The following LOX variants were observed in gnomAD, a reference collection of about 807,000 sequenced individuals.
LOX encodes protein-lysine 6-oxidase.
Under a neutral mutation model 50.5 loss-of-function variants are expected in LOX, and 12 were observed. The observed-to-expected ratio is 0.24, with a 90% confidence interval of 0.15 to 0.38. The LOEUF (loss-of-function observed/expected upper bound fraction) is 0.38, where lower values mean the gene tolerates loss of function less well. Ranked by LOEUF, LOX falls within the 10% of genes least tolerant of loss-of-function variation. The probability of loss-of-function intolerance (pLI) is 1.00; values close to 1 mark genes in which losing one functional copy is unlikely to be tolerated. For synonymous variants in LOX, 254 were observed against 230.6 expected, an observed-to-expected ratio of 1.10 and a Z score of -0.92; for missense variants, 504 against 563.8, an observed-to-expected ratio of 0.89 and a Z score of 1.07.
At chr5:122,072,097 C>T (rs1455571564) in intron 4 of LOX, among the ~76,000 whole-genome samples, 1 of 152,160 alleles carries the variant, frequency 6.6e-6, no homozygotes, top group African/African-American at 2.4e-5. Flanking sequence ...GTTATTACTT[C>T]TACTACTACC....
chr5:122,074,232 T>C (rs1754548543), intron 3 of LOX, 63 bp from the exon 4 acceptor site: 2 of 1,396,030 alleles, frequency 1.4e-6, no homozygotes, highest in African/African-American at 1.4e-5. Flanking sequence ...ATGAAGATAT[T>C]AAATGACTTC....
At position 122,077,289 on chromosome 5, in the gene LOX, C is replaced by T. The variant is rs929211062; in HGVS notation, c.631+66G>A. 16 of 1,600,572 alleles carry T rather than the reference C, an allele frequency of 1.0e-5. No homozygotes were observed. In the African/African-American group the frequency reaches 1.5e-4, roughly 15 times the overall value. ...GGGGCCCGCCGCGCCCAGGCAGCCA[C>T]GTCGAGAAGCCACATAGCTGGGGAC... On this transcript the variant is annotated intron_variant, in intron 1 of 6. Coordinates refer to ENST00000231004, the MANE Select transcript of LOX (RefSeq NM_002317.7). This position sits in a 1 kb window ranked among gnomAD's most constrained non-coding sequence, Gnocchi z 4.9.
chr5:122,069,922 A>G, intron 6 of LOX, 131 bp downstream of exon 6: 1 of 763,024 alleles, frequency 1.3e-6, no homozygotes, highest in Non-Finnish European at 2.4e-6. Context: ...ACTGCATACC[A>G]TTTTCTGCCT....
Position 122,065,600 on chromosome 5 carries a change from C to T in LOX, c.*1143G>A, listed in dbSNP as rs1754276808. 6.6e-6 allele frequency: 1 copy of T among 152,004 alleles called. No individual in the cohort carries two copies. Among genetic ancestry groups the T allele is most frequent in the African/African-American group, 2.4e-5 (1 of 41,402 alleles). 9.4% of individuals were successfully genotyped at this position (152,004 alleles called of 1,614,324 possible). On this transcript the variant is annotated 3_prime_UTR_variant, in exon 7 of 7. Transcript: ENST00000231004. ...ATACTATGTGCTTTGCTAATTTAGA[C>T]TATATCTCAGACACACACACATGTG...
chr5:122,070,477 T>G lies in LOX; in HGVS notation c.1131+17A>C. 1 of 1,395,536 alleles carries G rather than the reference T, an allele frequency of 7.2e-7. No individual in the cohort carries two copies. Among genetic ancestry groups the G allele is most frequent in the Non-Finnish European group, 1.0e-6 (1 of 990,984 alleles). 86.4% of individuals were successfully genotyped at this position (1,395,536 alleles called of 1,614,324 possible). A position where few individuals can be genotyped will look rare whatever the true frequency, so the allele number is the denominator to read the frequency against. On this transcript the variant is annotated intron_variant, in intron 5 of 6. Transcript: ENST00000231004. ...ATCTGCAATATCAATATATGATATA[T>G]TTTCAAAGGTCTTTACCTTTAGGAT...
intron 5 of LOX, 37 bp downstream of exon 5, chr5:122,070,457 C>A: frequency 1.8e-6 from 2 of 1,126,802 alleles, no homozygotes; most frequent in Non-Finnish European, 2.7e-6. Context: ...TATTGATCTG[C>A]AATATCAATA....
At chr5:122,066,877 C>G (rs530872632) in intron 6 of LOX, 128 bp from the exon 7 acceptor site, 1 of 646,242 alleles carries the variant, frequency 1.5e-6, no homozygotes, top group South Asian at 1.9e-5. Flanking sequence ...AAGCAGCAAT[C>G]ATGTTGTGAA....
Position 122,074,305 on chromosome 5 carries a change from G to A in LOX, c.879-136C>T, listed in dbSNP as rs1754550206. The A allele has an allele frequency of 4.3e-6, 3 of 690,042 alleles. No individual in the cohort carries two copies. In the East Asian group the frequency reaches 8.1e-5, roughly 19 times the overall value. The allele number at this position is 690,042 out of a possible 1,614,324, so 42.7% of individuals were successfully genotyped here. A position where few individuals can be genotyped will look rare whatever the true frequency, so the allele number is the denominator to read the frequency against. ...GAGACCAAATTTATCTTCTAAAAGA[G>A]AGATTCATGCTAGGGTTTTTTTTTC... On this transcript the variant is annotated intron_variant, in intron 3 of 6. Coordinates refer to ENST00000231004, the MANE Select transcript of LOX (RefSeq NM_002317.7).
rs775417773 is a variant in LOX, at chr5:122,077,989, T to A, written c.-4A>T. 6.9e-7 allele frequency: 1 copy of A among 1,445,468 alleles called. No homozygotes were observed. Among genetic ancestry groups the A allele is most frequent in the Non-Finnish European group, 9.1e-7 (1 of 1,101,430 alleles). 89.5% of individuals were successfully genotyped at this position (1,445,468 alleles called of 1,614,324 possible). A position where few individuals can be genotyped will look rare whatever the true frequency, so the allele number is the denominator to read the frequency against. The stretch of plus-strand genomic sequence containing the variant: ...GCACGGTCCAGGCGAAGCGCATCAC[T>A]CCTTTTGCCAGATTGACCCCGCTCG... On this transcript the variant is annotated 5_prime_UTR_variant, in exon 1 of 7. Coordinates refer to ENST00000231004, the MANE Select transcript of LOX (RefSeq NM_002317.7). The surrounding 1 kb of genome is among the most constrained non-coding windows in gnomAD (Gnocchi z 4.9).
chr5:122,077,487 C>T lies in LOX; in HGVS notation c.499G>A (p.Val167Met). 1 of 1,613,952 alleles carries T rather than the reference C, an allele frequency of 6.2e-7. No individual in the cohort carries two copies. Among genetic ancestry groups the T allele is most frequent in the Non-Finnish European group, 8.5e-7 (1 of 1,180,006 alleles). Residue 167 changes from valine (V) to methionine (M), a missense_variant, in exon 1 of 7, where the codon GTG becomes ATG. Transcript: ENST00000231004. The surrounding 1 kb of genome is among the most constrained non-coding windows in gnomAD (Gnocchi z 4.9). Reference sequence around the variant, plus strand: ...TAGGGGTTGTAAGGGTCGTCGCCCACCATGCCGTCCACGCGGCTGGGCGGC... The same window carrying T: ...TAGGGGTTGTAAGGGTCGTCGCCCATCATGCCGTCCACGCGGCTGGGCGGC... ...LRPPSRVDGM[V>M]GDDPYNPYKY...
Position 122,077,096 on chromosome 5 carries a change from C to T in LOX, c.632-95G>A. 3 of 1,533,122 alleles carry T rather than the reference C, an allele frequency of 2.0e-6. No individual in the cohort carries two copies. Among genetic ancestry groups the T allele is most frequent in the Non-Finnish European group, 2.6e-6 (3 of 1,144,198 alleles). 95.0% of individuals were successfully genotyped at this position (1,533,122 alleles called of 1,614,324 possible). A position where few individuals can be genotyped will look rare whatever the true frequency, so the allele number is the denominator to read the frequency against. On this transcript the variant is annotated intron_variant, in intron 1 of 6. Transcript: ENST00000231004. The surrounding 1 kb of genome is among the most constrained non-coding windows in gnomAD (Gnocchi z 4.9). ...TCTAGGTCCCTTACTCCTCACCCTTCGCCCACCGGGACTGCAGAGTGGAGC... is the reference window on the plus strand; with the variant it reads ...TCTAGGTCCCTTACTCCTCACCCTTTGCCCACCGGGACTGCAGAGTGGAGC...
At position 122,063,355 on chromosome 5, in the gene LOX, A is replaced by T. The variant is rs1031965672; in HGVS notation, c.*3388T>A. On this transcript the variant is annotated 3_prime_UTR_variant, in exon 7 of 7. Transcript: ENST00000231004. ...AAAAGTTACACGTCTTACAAATAAC[A>T]TTCCTGAAAAATTTGGGAGAAGCTA... 1 of 151,964 alleles carries T rather than the reference A, an allele frequency of 6.6e-6. No individual in the cohort carries two copies. The highest frequency in any genetic ancestry group is 1.5e-5 in the Non-Finnish European group (1 of 67,912). The allele number at this position is 151,964 out of a possible 1,614,324, so 9.4% of individuals were successfully genotyped here.
intron 6 of LOX, among the ~76,000 whole-genome samples, chr5:122,067,151 T>C (rs1008481465): frequency 6.6e-5 from 10 of 152,098 alleles, no homozygotes; most frequent in Non-Finnish European, 1.2e-4. Flanking sequence ...GCTTTGGATG[T>C]AGAATAATAC....
At position 122,074,134 on chromosome 5, in the gene LOX, T is replaced by C; in HGVS notation, c.914A>G (p.Asp305Gly). 6.2e-7 allele frequency: 1 copy of C among 1,614,136 alleles called. No homozygotes were observed. ...YHSMDEFSHY[D>G]LLDANTQRRV... is the part of the protein sequence containing the mutation. ...CCTCTGGGTGTTGGCATCAAGCAGG[T>C]CATAGTGGCTAAACTCATCCATACT... The change falls in exon 4 of 7, where the codon GAC becomes GGC. Residue 305 changes from aspartate to glycine, a missense_variant. Physicochemically the swap from Asp to Gly is moderately conservative, Grantham distance 94 (BLOSUM62 -1). Around this residue, in one of 2 missense-constraint regions of LOX, gnomAD observed 106 missense variants for 198.1 expected, o/e 0.54. Coordinates refer to ENST00000231004, the MANE Select transcript of LOX (RefSeq NM_002317.7).
intron 4 of LOX, among the ~76,000 whole-genome samples, chr5:122,072,375 T>C (rs1754475461): frequency 6.6e-6 from 1 of 152,204 alleles, no homozygotes; most frequent in Non-Finnish European, 1.5e-5. Flanking sequence ...GAATGTTAGC[T>C]GAGGCTCTCT....
chr5:122,078,058 C>T lies in LOX; in HGVS notation c.-73G>A. The T allele has an allele frequency of 7.4e-7, 1 of 1,350,638 alleles. No homozygotes were observed. Among genetic ancestry groups the T allele is most frequent in the East Asian group, 2.8e-5 (1 of 35,182 alleles). 83.7% of individuals were successfully genotyped at this position (1,350,638 alleles called of 1,614,324 possible). A position where few individuals can be genotyped will look rare whatever the true frequency, so the allele number is the denominator to read the frequency against. ...GAAAATAAAAACGGGGCTCAAATCA[C>T]GTGAGGGAAGGAGAAATCTTCAACC... On this transcript the variant is annotated 5_prime_UTR_variant, in exon 1 of 7. In the 5' UTR this introduces an upstream ATG that the reference lacks. Coordinates refer to ENST00000231004, the MANE Select transcript of LOX (RefSeq NM_002317.7).
intron 6 of LOX, among the ~76,000 whole-genome samples, chr5:122,067,899 A>G (rs1429641167): frequency 1.3e-5 from 2 of 152,038 alleles, no homozygotes; most frequent in African/African-American, 2.4e-5. Flanking sequence ...ACTCAGCCCA[A>G]AGAGACCTCT....
chr5:122,075,612 C>T (rs927756632), intron 2 of LOX, 71 bp from the exon 3 acceptor site: 5 of 1,042,854 alleles, frequency 4.8e-6, no homozygotes, highest in African/African-American at 1.6e-5. Context: ...ACAAATAAAA[C>T]ATCCATTATA....
chr5:122,070,291 T>G (rs1159410696), intron 5 of LOX, 123 bp from the exon 6 acceptor site: 2 of 682,196 alleles, frequency 2.9e-6, no homozygotes, highest in Non-Finnish European at 2.6e-6. Flanking sequence ...GTGGTTAAAC[T>G]CTGGAGACGT....
Sources: gnomAD v4.1 joint callset for allele counts (sites outside exome capture counted in the v4.1 genomes callset) on GRCh38, gnomAD v4.1.1 for gene constraint, gnomAD v4.1.1 regional missense constraint, Gnocchi (gnomAD v3.1) non-coding constraint, MANE v1.5 for transcripts, NCBI Gene and HGNC (gene_info 2026-07-23, HGNC 2026-07-21) for gene names.